Variants in RSRC1 observed in about 807,000 individuals in gnomAD.
The protein encoded by RSRC1 is serine/Arginine-related protein 53.
Under a neutral mutation model 49.1 loss-of-function variants are expected in RSRC1, and 39 were observed. That is an observed-to-expected ratio of 0.79 (90% CI 0.61 to 1.04). The LOEUF is 1.04. Among genes scored for constraint, RSRC1 ranks in the 50% least tolerant of loss-of-function variants. The pLI is 0.00. For missense variants in RSRC1, 388 were observed against 402.4 expected (o/e 0.96, Z 0.31); for synonymous variants, 143 against 130.8 (o/e 1.09, Z -0.63).
chr3:158,374,128 G>A (rs1261572261), intron 6 of RSRC1, among the ~76,000 whole-genome samples: 1 of 151,950 alleles, frequency 6.6e-6, no homozygotes, highest in Admixed American at 6.6e-5. Context: ...ATACAAGGGG[G>A]AAAGCTGATT....
intron 6 of RSRC1, among the ~76,000 whole-genome samples, chr3:158,391,087 T>C (rs1434052395): frequency 6.6e-6 from 1 of 152,184 alleles, no homozygotes; most frequent in Admixed American, 6.5e-5. Context: ...GACAAAATTG[T>C]AAATTAGTAA....
At chr3:158,274,757 AG>A (rs1260358047) in intron 4 of RSRC1, among the ~76,000 whole-genome samples, 1 of 152,224 alleles carries the variant, frequency 6.6e-6, no homozygotes, top group East Asian at 1.9e-4. Flanking sequence ...TGGACACACA[AG>A]TGATGGCCCA....
At chr3:158,316,354 T>G (rs1380244873) in intron 5 of RSRC1, among the ~76,000 whole-genome samples, 1 of 152,022 alleles carries the variant, frequency 6.6e-6, no homozygotes, top group Non-Finnish European at 1.5e-5. Context: ...GAGTCTGTCT[T>G]ATGTGTACTT....
intron 5 of RSRC1, among the ~76,000 whole-genome samples, chr3:158,322,073 T>C (rs931811153): frequency 6.6e-6 from 1 of 152,096 alleles, no homozygotes; most frequent in African/African-American, 2.4e-5. Context: ...TGGTTCCAAG[T>C]TACCATGTGG....
chr3:158,387,648 T>C (rs1038997856), intron 6 of RSRC1, among the ~76,000 whole-genome samples: 1 of 152,180 alleles, frequency 6.6e-6, no homozygotes, highest in African/African-American at 2.4e-5. Context: ...GGGGAAAAAC[T>C]GTAAATCCTT....
chr3:158,310,856 A>G (rs1728084480), intron 5 of RSRC1, among the ~76,000 whole-genome samples: 1 of 151,796 alleles, frequency 6.6e-6, no homozygotes, highest in African/African-American at 2.4e-5. Context: ...AAAATTTACA[A>G]TGAAATTTCT....
intron 3 of RSRC1, among the ~76,000 whole-genome samples, chr3:158,169,220 G>A (rs1718716241): frequency 6.6e-6 from 1 of 152,086 alleles, no homozygotes. Context: ...TTCACCTTTT[G>A]ACATCAGAGG....
At chr3:158,396,702 A>G (rs1448545628) in intron 6 of RSRC1, among the ~76,000 whole-genome samples, 1 of 152,154 alleles carries the variant, frequency 6.6e-6, no homozygotes, top group African/African-American at 2.4e-5. Context: ...AGTTTAGGAT[A>G]TCTGAAGGAC....
intron 4 of RSRC1, among the ~76,000 whole-genome samples, chr3:158,232,609 T>C (rs1723030422): frequency 6.6e-6 from 1 of 152,164 alleles, no homozygotes; most frequent in Non-Finnish European, 1.5e-5. Flanking sequence ...AAGTGAACTA[T>C]GGCTTGTATT....
At chr3:158,266,132 GTTTA>G (rs1341331423) in intron 4 of RSRC1, among the ~76,000 whole-genome samples, 1 of 152,054 alleles carries the variant, frequency 6.6e-6, no homozygotes, top group Non-Finnish European at 1.5e-5. Context: ...TTTAAAGGTG[GTTTA>G]TCAAAATTAA....
intron 3 of RSRC1, among the ~76,000 whole-genome samples, chr3:158,133,821 T>G (rs991293458): frequency 1.3e-5 from 2 of 152,260 alleles, no homozygotes; most frequent in Admixed American, 6.5e-5. Flanking sequence ...GGAATACTTA[T>G]GCAGAGATGT....
At chr3:158,227,585 T>G (rs1722598262) in intron 4 of RSRC1, among the ~76,000 whole-genome samples, 1 of 152,024 alleles carries the variant, frequency 6.6e-6, no homozygotes, top group Non-Finnish European at 1.5e-5. Context: ...CTGATACTCT[T>G]TTACTGTCCT....
chr3:158,205,181 CTG>C (rs1210633362), intron 4 of RSRC1, among the ~76,000 whole-genome samples: 1 of 152,190 alleles, frequency 6.6e-6, no homozygotes, highest in East Asian at 1.9e-4. Context: ...TGCCAAAAAA[CTG>C]TGGGTAGTCT....
At chr3:158,435,522 T>C (rs1419433460) in intron 6 of RSRC1, among the ~76,000 whole-genome samples, 3 of 151,692 alleles carry the variant, frequency 2.0e-5, no homozygotes, top group African/African-American at 7.2e-5. Flanking sequence ...ATTTGACATA[T>C]GATTACTCTG....
chr3:158,276,201 G>A (rs774625611), intron 4 of RSRC1: 3 of 802,938 alleles, frequency 3.7e-6, no homozygotes, highest in Non-Finnish European at 6.6e-6. Flanking sequence ...CTTAGGAACT[G>A]GGCATTTTCG....
At chr3:158,494,635 C>T (rs1463474741) in intron 7 of RSRC1, among the ~76,000 whole-genome samples, 2 of 152,146 alleles carry the variant, frequency 1.3e-5, no homozygotes, top group Non-Finnish European at 2.9e-5. Flanking sequence ...ATATTATACA[C>T]TGTACAAAAA....
At chr3:158,200,466 A>G (rs548170111) in intron 3 of RSRC1, among the ~76,000 whole-genome samples, 32 of 152,286 alleles carry the variant, frequency 2.1e-4, no homozygotes, top group South Asian at 1.0e-3. Flanking sequence ...CCTTTTTACA[A>G]TATTTTGTTT....
chr3:158,440,206 A>G (rs536223852), intron 6 of RSRC1, among the ~76,000 whole-genome samples: 1 of 151,992 alleles, frequency 6.6e-6, no homozygotes, highest in Non-Finnish European at 1.5e-5. Flanking sequence ...TCGTGTTTGA[A>G]GTGTAAAGGA....
At chr3:158,135,330 C>T (rs550736215) in intron 3 of RSRC1, among the ~76,000 whole-genome samples, 11 of 149,646 alleles carry the variant, frequency 7.4e-5, no homozygotes, top group East Asian at 3.9e-4. Context: ...AGTGCAGTGG[C>T]GCAACCTCGG....
Sources: allele counts gnomAD v4.1 joint callset (sites outside exome capture counted in the v4.1 genomes callset), GRCh38; gene constraint gnomAD v4.1.1; transcripts MANE v1.5; gene names NCBI Gene and HGNC (gene_info 2026-07-23, HGNC 2026-07-21).